Variants in LBP observed in about 807,000 individuals in gnomAD.
LBP encodes lipopolysaccharide-binding protein.
Under a neutral mutation model 56.6 loss-of-function variants are expected in LBP, and 53 were observed. The observed-to-expected ratio is 0.94, with a 90% CI of 0.75 to 1.18. The LOEUF is 1.18. Among genes scored for constraint, LBP ranks in the 50% most tolerant of loss-of-function variants. The pLI, the probability that LBP is intolerant of heterozygous loss-of-function variation, is 0.00. For missense variants in LBP, 601 were observed against 598.3 expected (o/e 1.00, Z -0.05); for synonymous variants, 227 against 247.5 (o/e 0.92, Z 0.78).
At chr20:38,372,017 C>G (rs1475612404) in intron 12 of LBP, among the ~76,000 whole-genome samples, 2 of 152,190 alleles carry the variant, frequency 1.3e-5, no homozygotes, top group East Asian at 3.8e-4. Context: ...GGAAAATAGA[C>G]TCCGTTATCA....
intron 8 of LBP, among the ~76,000 whole-genome samples, chr20:38,365,731 T>C (rs756001841): frequency 0.079 from 11,416 of 143,606 alleles, 689 homozygotes; most frequent in African/African-American, 0.15. Context: ...TATATATATA[T>C]ATATATATAT....
intron 1 of LBP, 138 bp downstream of exon 1, chr20:38,346,778 G>C (rs1480329458): frequency 6.5e-6 from 8 of 1,231,302 alleles, no homozygotes; most frequent in Non-Finnish European, 9.0e-6. Context: ...GGTGGCTCTG[G>C]CTCCTATTCT....
intron 5 of LBP, among the ~76,000 whole-genome samples, chr20:38,360,447 A>C (rs972141879): frequency 3.3e-5 from 5 of 152,160 alleles, no homozygotes; most frequent in African/African-American, 1.2e-4. Context: ...AGGCTGTGTC[A>C]GTGACTCCCT....
rs1266820502 is a variant in LBP at position 38,346,603 on chromosome 20, C to T, written c.87C>T (p.Gly29=). The change falls in exon 1 of 15, where the codon GGC becomes GGT. Residue 29 remains glycine, a synonymous_variant. Coordinates refer to ENST00000217407, the MANE Select transcript of LBP (RefSeq NM_004139.5). The part of the protein sequence containing the change: ...STPEALGANP[G]LVARITDKGL... ...CAGAGGCTCTGGGTGCCAACCCCGG[C>T]TTGGTCGCCAGGATCACCGACAAGG... 1 of 1,613,710 alleles carries T rather than the reference C, an allele frequency of 6.2e-7. No individual in the cohort carries two copies. Among genetic ancestry groups the T allele is most frequent in the Non-Finnish European group, 8.5e-7 (1 of 1,180,010 alleles).
At chr20:38,347,100 G>A (rs974771145) in intron 1 of LBP, among the ~76,000 whole-genome samples, 10 of 152,222 alleles carry the variant, frequency 6.6e-5, no homozygotes, top group Non-Finnish European at 8.8e-5. Flanking sequence ...AGACCCTGAA[G>A]GGCATGAGGG....
chr20:38,354,416 G>A lies in LBP; in HGVS notation c.501G>A (p.Glu167=), dbSNP rs146507643. ...SSCSSDIADV[E]VDMSGDLGWL... The stretch of plus-strand genomic sequence containing the variant: ...GCAGCAGTGACATCGCTGACGTGGA[G>A]GTGGACATGTCGGGAGACTTGGGGT... The change falls in exon 4 of 15, where the codon GAG becomes GAA. Residue 167 remains glutamate (E), a synonymous_variant. Coordinates refer to ENST00000217407, the MANE Select transcript of LBP (RefSeq NM_004139.5). The A allele has an allele frequency of 6.2e-7, 1 of 1,612,790 alleles. No homozygotes were observed. Among genetic ancestry groups the A allele is most frequent in the Non-Finnish European group, 8.5e-7 (1 of 1,179,742 alleles).
At chr20:38,360,170 T>G (rs1181316262) in intron 5 of LBP, among the ~76,000 whole-genome samples, 1 of 150,562 alleles carries the variant, frequency 6.6e-6, no homozygotes, top group Non-Finnish European at 1.5e-5. Context: ...GAGAATCGCT[T>G]GAACCCAGGA....
In LBP at chr20:38,366,046, G is replaced by T. The variant is rs73287212; in HGVS notation, c.922-723G>T. On this transcript the variant is annotated intron_variant, in intron 8 of 14. Coordinates refer to ENST00000217407, the MANE Select transcript of LBP (RefSeq NM_004139.5). Reference sequence around the variant, plus strand: ...TTTACAGTGGATCTCACCTTTAATGGTTCTCCAGTTTATCTAATATTTCTG... The same window carrying T: ...TTTACAGTGGATCTCACCTTTAATGTTTCTCCAGTTTATCTAATATTTCTG... 5.2e-3 allele frequency among the ~76,000 whole-genome samples: 787 copies of T among 152,144 alleles called. 6 individuals are homozygous for T. The highest frequency in any genetic ancestry group is 0.018 in the African/African-American group (748 of 41,488).
chr20:38,351,580 GA>G (rs1488070860), intron 3 of LBP, among the ~76,000 whole-genome samples: 1 of 152,216 alleles, frequency 6.6e-6, no homozygotes, highest in Non-Finnish European at 1.5e-5. Flanking sequence ...GGCTTAAGCA[GA>G]AATGTGTTTT....
chr20:38,364,195 G>T, intron 7 of LBP, 129 bp downstream of exon 7: 1 of 679,586 alleles, frequency 1.5e-6, no homozygotes, highest in Non-Finnish European at 2.6e-6. Flanking sequence ...GTCAAGGGCC[G>T]GGTGATATGG....
At chr20:38,373,520 A>G in intron 13 of LBP, among the ~76,000 whole-genome samples, 1 of 152,266 alleles carries the variant, frequency 6.6e-6, no homozygotes, top group East Asian at 1.9e-4. Context: ...TAGTCAAAAA[A>G]GAAAGCAAAA....
chr20:38,348,728 A>C (rs531716030), intron 1 of LBP, among the ~76,000 whole-genome samples: 23 of 145,784 alleles, frequency 1.6e-4, no homozygotes, highest in African/African-American at 5.6e-4. Context: ...TGCAGTTTCA[A>C]TGGCATGCCA....
At position 38,365,249 on chromosome 20, in the gene LBP, A is replaced by AAT. The variant is rs1180935490; in HGVS notation, c.921+498_921+499insTA. ...GACCCTGTCTCAAAAAAAAAAAAAA[A>AAT]AAAAGCTCTTCCTCCCTTATAACAA... On this transcript the variant is annotated intron_variant, in intron 8 of 14. Transcript: ENST00000217407. 8.6e-4 allele frequency among the ~76,000 whole-genome samples: 130 copies of AAT among 150,922 alleles called. 1 individual carries two copies. The highest frequency in any genetic ancestry group is 8.7e-4 in the Non-Finnish European group (59 of 67,822).
rs145718383 is a variant in LBP, at chr20:38,352,669, C to T, written c.369-1615C>T. Among the ~76,000 whole-genome samples the T allele has an allele frequency of 2.4e-3, 359 of 152,260 alleles. 2 individuals carry two copies. The highest frequency in any genetic ancestry group is 8.2e-3 in the African/African-American group (342 of 41,564). On this transcript the variant is annotated intron_variant, in intron 3 of 14. Coordinates refer to ENST00000217407, the MANE Select transcript of LBP (RefSeq NM_004139.5). The stretch of plus-strand genomic sequence containing the variant: ...ACTTAGGAGGATGAGACAGGAGAAC[C>T]GCTGTAGCCTGGGAGGCGGAGGTTG...
At chr20:38,353,020 T>A (rs1181700692) in intron 3 of LBP, among the ~76,000 whole-genome samples, 1 of 152,188 alleles carries the variant, frequency 6.6e-6, no homozygotes, top group Non-Finnish European at 1.5e-5. Context: ...TACCTACATA[T>A]GCACATTTGT....
intron 14 of LBP, among the ~76,000 whole-genome samples, chr20:38,376,099 G>A (rs558558170): frequency 1.3e-5 from 2 of 152,330 alleles, no homozygotes; most frequent in African/African-American, 4.8e-5. Flanking sequence ...TAGAGGGCAA[G>A]TATGATAGCT....
intron 8 of LBP, among the ~76,000 whole-genome samples, chr20:38,365,758 G>A (rs2076879854): frequency 6.8e-6 from 1 of 146,330 alleles, no homozygotes; most frequent in African/African-American, 2.5e-5. Context: ...ATATGTGAAT[G>A]AGGCAAGATA....
rs750267994 is a variant in LBP, at chr20:38,360,726, C to T, written c.611C>T (p.Ser204Leu). 9 of 1,613,008 alleles carry T rather than the reference C, an allele frequency of 5.6e-6. No individual in the cohort carries two copies. Among genetic ancestry groups the T allele is most frequent in the Non-Finnish European group, 6.8e-6 (8 of 1,179,056 alleles). The change falls in exon 6 of 15, where the codon TCA becomes TTA. Residue 204 changes from serine to leucine, a missense_variant. Coordinates refer to ENST00000217407, the MANE Select transcript of LBP (RefSeq NM_004139.5). The part of the protein sequence containing the change: ...ESRICEMIQK[S>L]VSSDLQPYLQ... Reference sequence around the variant, plus strand: ...CAGATTTGCGAAATGATCCAGAAATCAGTGTCCTCCGATCTACAGCCTTAT... The same window carrying T: ...CAGATTTGCGAAATGATCCAGAAATTAGTGTCCTCCGATCTACAGCCTTAT...
intron 9 of LBP, among the ~76,000 whole-genome samples, chr20:38,367,910 G>T (rs190406068): frequency 6.6e-6 from 1 of 152,192 alleles, no homozygotes; most frequent in East Asian, 1.9e-4. Context: ...TGGAATCTAG[G>T]GCTGGTCGTG....
Sources: gnomAD v4.1 joint callset for allele counts (sites outside exome capture counted in the v4.1 genomes callset) on GRCh38, gnomAD v4.1.1 for gene constraint, MANE v1.5 for transcripts, NCBI Gene and HGNC (gene_info 2026-07-23, HGNC 2026-07-21) for gene names.